HLCS: variants seen among roughly 807,000 people sequenced by gnomAD.
HLCS encodes holocarboxylase synthetase, also known as biotin--protein ligase.
A neutral mutation model predicts 75.0 loss-of-function variants in HLCS; 53 were observed. That is an observed-to-expected ratio of 0.71 (90% confidence interval 0.57 to 0.89). The LOEUF is 0.89. Ranked by LOEUF, HLCS falls within the 40% of genes least tolerant of loss-of-function variation. The pLI is 0.00. For missense variants in HLCS, 966 were observed against 1,074.0 expected (o/e 0.90, Z 1.41); for synonymous variants, 431 against 428.6 (o/e 1.01, Z -0.07).
intron 2 of HLCS, among the ~76,000 whole-genome samples, chr21:36,956,688 C>A (rs1013158014): frequency 6.6e-5 from 10 of 151,916 alleles, no homozygotes; most frequent in Admixed American, 6.6e-4. Context: ...CGAGATCGTG[C>A]CACTGCACTC....
intron 6 of HLCS, among the ~76,000 whole-genome samples, chr21:36,887,636 GC>G (rs1425433772): frequency 6.6e-6 from 1 of 152,082 alleles, no homozygotes; most frequent in African/African-American, 2.4e-5. Flanking sequence ...AAAGTCAAAG[GC>G]CAAAGTTATA....
intron 6 of HLCS, among the ~76,000 whole-genome samples, chr21:36,891,674 TGTCA>T (rs748331360): frequency 3.2e-4 from 48 of 152,222 alleles, no homozygotes; most frequent in Middle Eastern, 3.4e-3. Flanking sequence ...AAATTCAAAA[TGTCA>T]GTGCTTGCCA....
At chr21:36,799,820 C>T (rs762006614) in intron 6 of HLCS, among the ~76,000 whole-genome samples, 3 of 152,156 alleles carry the variant, frequency 2.0e-5, no homozygotes, top group East Asian at 3.9e-4. Context: ...ATCAGAGTCC[C>T]GAATTCAGCC....
At chr21:36,964,682 G>A (rs1054455851) in intron 1 of HLCS, among the ~76,000 whole-genome samples, 5 of 152,134 alleles carry the variant, frequency 3.3e-5, no homozygotes, top group African/African-American at 9.7e-5. Context: ...CTCCTACTCC[G>A]GCCTGCACAG....
At chr21:36,878,250 T>C (rs1427782946) in intron 6 of HLCS, among the ~76,000 whole-genome samples, 1 of 152,176 alleles carries the variant, frequency 6.6e-6, no homozygotes, top group East Asian at 1.9e-4. Context: ...TTTTAAATCT[T>C]TTTCTCTCTT....
In HLCS at chr21:36,753,389, T is replaced by C. The variant is rs143172491; in HGVS notation, c.*857A>G. 6.6e-6 allele frequency: 1 copy of C among 152,328 alleles called. No individual in the cohort carries two copies. Among genetic ancestry groups the C allele is most frequent in the Non-Finnish European group, 1.5e-5 (1 of 68,038 alleles). The allele number at this position is 152,328 out of a possible 1,614,324, so 9.4% of individuals were successfully genotyped here. A position where few individuals can be genotyped will look rare whatever the true frequency, so the allele number is the denominator to read the frequency against. On this transcript the variant is annotated 3_prime_UTR_variant, in exon 11 of 11. Transcript: ENST00000674895. This position sits in a 1 kb window ranked among gnomAD's most constrained non-coding sequence, Gnocchi z 4.3. Reference sequence around the variant, plus strand: ...TGGCTTAAAAGCTCCAAATCCTCCCTTGTATGTGGTATGAGTGTGCCTTCA... The same window carrying C: ...TGGCTTAAAAGCTCCAAATCCTCCCCTGTATGTGGTATGAGTGTGCCTTCA...
chr21:36,973,545 C>T (rs1601928660), intron 1 of HLCS: 1 of 152,236 alleles, frequency 6.6e-6, no homozygotes. Flanking sequence ...GGCTCTACCC[C>T]CATTGCTCAA....
At chr21:36,960,079 A>G (rs2146655127) in intron 2 of HLCS, among the ~76,000 whole-genome samples, 1 of 150,996 alleles carries the variant, frequency 6.6e-6, no homozygotes, top group East Asian at 2.0e-4. Flanking sequence ...GCCCACAGCA[A>G]AAGCCTCATT....
At chr21:36,802,181 G>C (rs762368) in intron 6 of HLCS, among the ~76,000 whole-genome samples, 1,880 of 152,222 alleles carry the variant, frequency 0.012, 32 homozygotes, top group African/African-American at 0.042. Flanking sequence ...AGCAGTGACT[G>C]AGGGCCACAG....
chr21:36,775,312 G>A (rs2060323206), intron 6 of HLCS, among the ~76,000 whole-genome samples: 1 of 152,188 alleles, frequency 6.6e-6, no homozygotes, highest in African/African-American at 2.4e-5. Flanking sequence ...CTCCTTTTTG[G>A]TAAGTCAAGC....
At chr21:36,949,738 A>G (rs2067583499) in intron 2 of HLCS, among the ~76,000 whole-genome samples, 2 of 152,158 alleles carry the variant, frequency 1.3e-5, no homozygotes, top group Admixed American at 1.3e-4. Context: ...TTGGCCCAGG[A>G]CCCTGCACAA....
intron 5 of HLCS, among the ~76,000 whole-genome samples, chr21:36,900,959 T>G (rs142096033): frequency 1.5e-3 from 230 of 152,122 alleles, no homozygotes; most frequent in African/African-American, 5.4e-3. Flanking sequence ...GCTTGAGATA[T>G]CTATTAAAAA....
chr21:36,819,309 C>T (rs1417554185), intron 6 of HLCS, among the ~76,000 whole-genome samples: 1 of 152,176 alleles, frequency 6.6e-6, no homozygotes, highest in African/African-American at 2.4e-5. Flanking sequence ...GGGGTGTGGG[C>T]ATGGGAGGAT....
chr21:36,983,992 T>C (rs2069179871), intron 1 of HLCS, among the ~76,000 whole-genome samples: 1 of 151,970 alleles, frequency 6.6e-6, no homozygotes, highest in Non-Finnish European at 1.5e-5. Flanking sequence ...CAAACCACCA[T>C]TGCCTGCTAA....
At chr21:36,990,108 G>A (rs1359976843) in intron 1 of HLCS, 2 of 152,584 alleles carry the variant, frequency 1.3e-5, no homozygotes, top group Non-Finnish European at 2.9e-5. Flanking sequence ...GCCCCAGCAC[G>A]CCCCCGGCGA....
rs117432957 is a variant in HLCS, at chr21:36,769,001, C to T, written c.1893-1716G>A. Among the ~76,000 whole-genome samples, 11 of 152,150 alleles carry T rather than the reference C, an allele frequency of 7.2e-5. No individual in the cohort carries two copies. The South Asian group carries it at 8.3e-4, about 11-fold the overall frequency. ...ATGATTTAGCGTGTTGTGAGCAGAT[C>T]GCAAAAGCAATCTAGGATGTTCTGT... On this transcript the variant is annotated intron_variant, in intron 6 of 10. Transcript: ENST00000674895.
chr21:36,826,657 C>T (rs775342980), intron 6 of HLCS, among the ~76,000 whole-genome samples: 3 of 152,228 alleles, frequency 2.0e-5, no homozygotes, highest in African/African-American at 4.8e-5. Flanking sequence ...ACCACATTTT[C>T]TAGAATGGCT....
At chr21:36,912,500 G>T (rs528317047) in intron 5 of HLCS, among the ~76,000 whole-genome samples, 19 of 152,120 alleles carry the variant, frequency 1.2e-4, no homozygotes, top group African/African-American at 4.6e-4. Context: ...AGAGGGGAAG[G>T]GGAATTATTT....
chr21:36,856,534 A>G (rs2063199365), intron 6 of HLCS, among the ~76,000 whole-genome samples: 1 of 152,170 alleles, frequency 6.6e-6, no homozygotes, highest in Non-Finnish European at 1.5e-5. Flanking sequence ...AAAGACATAA[A>G]TAACACACAC....
Sources: gnomAD v4.1 joint callset for allele counts (sites outside exome capture counted in the v4.1 genomes callset) on GRCh38, gnomAD v4.1.1 for gene constraint, Gnocchi (gnomAD v3.1) non-coding constraint, MANE v1.5 for transcripts, NCBI Gene and HGNC (gene_info 2026-07-23, HGNC 2026-07-21) for gene names.